Variants in HERC1 observed in about 807,000 individuals in gnomAD.
The protein encoded by HERC1 is HECT and RLD domain containing E3 ubiquitin protein ligase family member 1.
HERC1 carries 160 observed loss-of-function variants against 554.3 expected under a neutral mutation model. The ratio of observed to expected loss-of-function variants is 0.29; its 90% confidence interval spans 0.25 to 0.33. The LOEUF (loss-of-function observed/expected upper bound fraction) is 0.33. Among genes scored for constraint, HERC1 ranks in the 10% least tolerant of loss-of-function variants. HERC1 has a pLI of 1.00. For synonymous variants in HERC1, 2,175 were observed against 2,131.7 expected, an observed-to-expected ratio of 1.02 and a Z score of -0.56; for missense variants, 4,919 against 5,918.5, an observed-to-expected ratio of 0.83 and a Z score of 5.54.
intron 1 of HERC1, among the ~76,000 whole-genome samples, chr15:63,793,012 T>A (rs915490814): frequency 2.6e-5 from 4 of 152,222 alleles, no homozygotes; most frequent in African/African-American, 9.6e-5. Flanking sequence ...GGGTTTATAA[T>A]AAAGGCTATT....
chr15:63,735,349 A>G (rs906524028), intron 12 of HERC1, among the ~76,000 whole-genome samples: 15 of 137,818 alleles, frequency 1.1e-4, no homozygotes, highest in Non-Finnish European at 2.0e-4. Flanking sequence ...CAGAATTAGA[A>G]CACATGGACA....
At chr15:63,823,652 C>T (rs1197618150) in intron 1 of HERC1, among the ~76,000 whole-genome samples, 2 of 152,126 alleles carry the variant, frequency 1.3e-5, no homozygotes, top group Admixed American at 1.3e-4. Context: ...TAGTGCCATC[C>T]TACATTGGAG....
intron 38 of HERC1, among the ~76,000 whole-genome samples, chr15:63,673,218 A>T (rs1042366440): frequency 4.1e-5 from 6 of 146,398 alleles, no homozygotes; most frequent in African/African-American, 1.3e-4. Flanking sequence ...GTATTTATAT[A>T]TTTTTTTTAA....
chr15:63,763,257 C>A (rs2075668701), intron 3 of HERC1, among the ~76,000 whole-genome samples: 3 of 152,130 alleles, frequency 2.0e-5, no homozygotes. Flanking sequence ...ATTTTTGCAA[C>A]AAAGCACAAA....
At chr15:63,824,577 G>C (rs746090803) in intron 1 of HERC1, among the ~76,000 whole-genome samples, 2 of 150,816 alleles carry the variant, frequency 1.3e-5, no homozygotes, top group African/African-American at 4.9e-5. Context: ...ATATGATCCA[G>C]CAATCTCTCT....
intron 3 of HERC1, among the ~76,000 whole-genome samples, chr15:63,762,926 T>G (rs184697351): frequency 6.6e-4 from 101 of 152,304 alleles, no homozygotes; most frequent in Non-Finnish European, 1.3e-3. Context: ...TAGGCTCCTA[T>G]TCCCATTATC....
intron 1 of HERC1, among the ~76,000 whole-genome samples, chr15:63,811,193 G>T (rs1343262404): frequency 6.6e-6 from 1 of 152,188 alleles, no homozygotes; most frequent in Non-Finnish European, 1.5e-5. Flanking sequence ...AGGTGACAAT[G>T]AATTAATGTT....
In HERC1 at chr15:63,642,981, T is replaced by G. The variant is rs1320718352; in HGVS notation, c.11409A>C (p.Val3803=). 6.2e-7 allele frequency: 1 copy of G among 1,608,148 alleles called. No homozygotes were observed. The highest frequency in any genetic ancestry group is 2.2e-5 in the East Asian group (1 of 44,832). Residue 3803 remains valine (V), a synonymous_variant, in exon 59 of 78, where the codon GTA becomes GTC. Transcript: ENST00000443617. Reference sequence around the variant, plus strand: ...CCTTTGATCTATTTGAGCAAGCAGCTACTCCAACTTCTGGAATCCATACTG... The same window carrying G: ...CCTTTGATCTATTTGAGCAAGCAGCGACTCCAACTTCTGGAATCCATACTG... The part of the protein sequence containing the change: ...QTTVWIPEVG[V]AACSNRSKDV...
chr15:63,633,868 T>G lies in HERC1; in HGVS notation c.12673A>C (p.Thr4225Pro). The G allele has an allele frequency of 6.2e-7, 1 of 1,613,322 alleles. No individual in the cohort carries two copies. Among genetic ancestry groups the G allele is most frequent in the Non-Finnish European group, 8.5e-7 (1 of 1,179,588 alleles). Reference sequence around the variant, plus strand: ...CTGACCTGAGGTGAAGATTTTGCAGTGGAATTTCCTAAGCCTAGTTTTCCA... The same window carrying G: ...CTGACCTGAGGTGAAGATTTTGCAGGGGAATTTCCTAAGCCTAGTTTTCCA... ...DYGKLGLGNS[T>P]AKSSPQKIDV... The change falls in exon 67 of 78, where the codon ACT becomes CCT. Residue 4225 changes from threonine (T) to proline (P), a missense_variant. Physicochemically the swap from Thr to Pro is conservative, Grantham distance 38. Transcript: ENST00000443617.
chr15:63,813,171 ATTGTCAATAAATCAGGAAGAT>A (rs2077384435), intron 1 of HERC1, among the ~76,000 whole-genome samples: 1 of 152,246 alleles, frequency 6.6e-6, no homozygotes, highest in Non-Finnish European at 1.5e-5. Flanking sequence ...ATTATTAGAT[ATTGTCAATAAATCAGGAAGAT>A]TTGCTAAAGA....
At chr15:63,771,027 A>G (rs1259527342) in intron 2 of HERC1, among the ~76,000 whole-genome samples, 4 of 152,124 alleles carry the variant, frequency 2.6e-5, no homozygotes, top group Non-Finnish European at 5.9e-5. Flanking sequence ...CGTCTCTACT[A>G]AAAATACAAA....
At chr15:63,644,190 T>G (rs559780899) in intron 57 of HERC1, among the ~76,000 whole-genome samples, 2 of 152,228 alleles carry the variant, frequency 1.3e-5, no homozygotes, top group Non-Finnish European at 2.9e-5. Context: ...CTTTTAGTTA[T>G]GACAACATAA....
chr15:63,702,283 T>C (rs950255332), intron 25 of HERC1, among the ~76,000 whole-genome samples: 1 of 152,186 alleles, frequency 6.6e-6, no homozygotes, highest in Non-Finnish European at 1.5e-5. Context: ...CTTTATATCA[T>C]CTAATTTGAA....
rs781256525 is a variant in HERC1, at chr15:63,729,427, C to A, written c.3022-59G>T. 7.1e-5 allele frequency: 113 copies of A among 1,594,910 alleles called. 1 individual carries two copies. The Middle Eastern group carries it at 1.0e-3, about 14-fold the overall frequency. ...TGAAAGATTCAAGGTGTAAAAATAT[C>A]ATGGCCTATCCAAATATCTGAGTTT... On this transcript the variant is annotated intron_variant, in intron 15 of 77. Transcript: ENST00000443617.
chr15:63,631,684 G>A (rs1369305150), intron 68 of HERC1, among the ~76,000 whole-genome samples: 1 of 152,198 alleles, frequency 6.6e-6, no homozygotes, highest in African/African-American at 2.4e-5. Context: ...GGGATTACAG[G>A]CGCCTGCCAC....
rs952061797 is a variant in HERC1 at position 63,758,524 on chromosome 15, T to C, written c.1027-155A>G. On this transcript the variant is annotated intron_variant, in intron 3 of 77. Transcript: ENST00000443617. The surrounding 1 kb of genome is among the most constrained non-coding windows in gnomAD (Gnocchi z 4.0). Reference sequence around the variant, plus strand: ...TAAAGATAACTAGACTATTTACTCATATGGAATAAACCACTAAAAGACGCT... The same window carrying C: ...TAAAGATAACTAGACTATTTACTCACATGGAATAAACCACTAAAAGACGCT... 6.6e-6 allele frequency among the ~76,000 whole-genome samples: 1 copy of C among 152,154 alleles called. No individual in the cohort carries two copies. The highest frequency in any genetic ancestry group is 1.5e-5 in the Non-Finnish European group (1 of 68,030).
chr15:63,788,241 C>A (rs1469421903), intron 1 of HERC1, among the ~76,000 whole-genome samples: 2 of 152,098 alleles, frequency 1.3e-5, no homozygotes, highest in Admixed American at 6.5e-5. Flanking sequence ...GTTATCTGCA[C>A]CTAACACAGC....
intron 34 of HERC1, among the ~76,000 whole-genome samples, chr15:63,684,652 G>A (rs541160980): frequency 6.6e-6 from 1 of 152,286 alleles, no homozygotes; most frequent in Non-Finnish European, 1.5e-5. Context: ...AGTCGGGAGG[G>A]CATTAATGAT....
At chr15:63,624,419 G>T in intron 71 of HERC1, 92 bp from the exon 72 acceptor site, 1 of 1,198,302 alleles carries the variant, frequency 8.3e-7, no homozygotes, top group Non-Finnish European at 1.2e-6. Context: ...TATTTTGGCT[G>T]GGCGCAGTGG....
Sources: gnomAD v4.1 joint callset for allele counts (sites outside exome capture counted in the v4.1 genomes callset) on GRCh38, gnomAD v4.1.1 for gene constraint, Gnocchi (gnomAD v3.1) non-coding constraint, MANE v1.5 for transcripts, NCBI Gene and HGNC (gene_info 2026-07-23, HGNC 2026-07-21) for gene names.